ZFAND3: variants seen among roughly 807,000 people sequenced by gnomAD.
ZFAND3 encodes the protein AN1-type zinc finger protein 3.
ZFAND3 carries 10 observed loss-of-function variants against 29.6 expected under a neutral mutation model. The observed-to-expected ratio is 0.34, with a 90% CI of 0.21 to 0.57. The LOEUF is 0.57. ZFAND3 is among the 20% of genes least tolerant of loss of function. The pLI, the probability that ZFAND3 is intolerant of heterozygous loss-of-function variation, is 0.86. For missense variants in ZFAND3, 230 were observed against 304.5 expected (o/e 0.76, Z 1.82); for synonymous variants, 128 against 112.6 (o/e 1.14, Z -0.87).
intron 1 of ZFAND3, among the ~76,000 whole-genome samples, chr6:37,919,747 C>T (rs911026281): frequency 1.3e-5 from 2 of 152,204 alleles, no homozygotes; most frequent in Non-Finnish European, 2.9e-5. Flanking sequence ...TTTGTAATCA[C>T]TCTCCAGAAA....
intron 1 of ZFAND3, among the ~76,000 whole-genome samples, chr6:37,840,565 ATCAGCTTG>A (rs562744575): frequency 4.6e-5 from 7 of 152,336 alleles, no homozygotes; most frequent in African/African-American, 1.4e-4. Flanking sequence ...TATGAATTTC[ATCAGCTTG>A]TCAGCTTGTC....
At chr6:37,945,427 G>A (rs1434832766) in intron 2 of ZFAND3, among the ~76,000 whole-genome samples, 1 of 152,064 alleles carries the variant, frequency 6.6e-6, no homozygotes, top group Non-Finnish European at 1.5e-5. Flanking sequence ...ACAGAGTCTC[G>A]CTCTGTCTCC....
At chr6:38,087,923 T>C (rs79690248) in intron 4 of ZFAND3, among the ~76,000 whole-genome samples, 1 of 152,208 alleles carries the variant, frequency 6.6e-6, no homozygotes, top group Non-Finnish European at 1.5e-5. Context: ...TAAGAATGTT[T>C]CCAGCATGAA....
Position 38,154,034 on chromosome 6 carries a change from T to C in ZFAND3, c.*1645T>C. 1 of 985,386 alleles carries C rather than the reference T, an allele frequency of 1.0e-6. No individual in the cohort carries two copies. Among genetic ancestry groups the C allele is most frequent in the Non-Finnish European group, 1.2e-6 (1 of 829,918 alleles). The allele number at this position is 985,386 out of a possible 1,614,324, so 61.0% of individuals were successfully genotyped here. Reference sequence around the variant, plus strand: ...TCTTCCCACCCTCCACCCACCAGAGTGGAACCCGCTGCAAAATCCCCAGCC... The same window carrying C: ...TCTTCCCACCCTCCACCCACCAGAGCGGAACCCGCTGCAAAATCCCCAGCC... On this transcript the variant is annotated 3_prime_UTR_variant, in exon 6 of 6. Coordinates refer to ENST00000287218, the MANE Select transcript of ZFAND3 (RefSeq NM_021943.3).
At chr6:38,109,952 T>A (rs1765282415) in intron 4 of ZFAND3, among the ~76,000 whole-genome samples, 1 of 152,102 alleles carries the variant, frequency 6.6e-6, no homozygotes, top group African/African-American at 2.4e-5. Flanking sequence ...TCAGGTGCAC[T>A]CCCAAGATGG....
rs1410015539 is a variant in ZFAND3 at position 38,144,183 on chromosome 6, TAATATATATATATATATATATATATATA to T, written c.530-8050_530-8023del. Among the ~76,000 whole-genome samples, 57 of 22,160 alleles carry T rather than the reference TAATATATATATATATATATATATATATA, an allele frequency of 2.6e-3. 1 individual carries two copies. The highest frequency in any genetic ancestry group is 5.8e-3 in the Non-Finnish European group (43 of 7,474). 14.5% of individuals were successfully genotyped at this position (22,160 alleles called of 152,430 possible). On this transcript the variant is annotated intron_variant, in intron 5 of 5. Transcript: ENST00000287218. Reference sequence around the variant, plus strand: ...GCTAGAAAAATGTGATATATATATATAATATATATATATATATATATATATATAATATATAATATATATATATATTTTT... The same window carrying T: ...GCTAGAAAAATGTGATATATATATATATATATAATATATATATATATTTTT...
intron 2 of ZFAND3, among the ~76,000 whole-genome samples, chr6:38,037,140 A>C (rs777747398): frequency 4.6e-5 from 7 of 152,222 alleles, no homozygotes; most frequent in Non-Finnish European, 7.3e-5. Flanking sequence ...CTTTTAGTGA[A>C]TAGAGAATAG....
At chr6:38,114,680 T>G (rs968793417) in intron 4 of ZFAND3, among the ~76,000 whole-genome samples, 1 of 151,428 alleles carries the variant, frequency 6.6e-6, no homozygotes, top group Non-Finnish European at 1.5e-5. Flanking sequence ...CTGGACAATC[T>G]TGGGTGAAGT....
intron 5 of ZFAND3, among the ~76,000 whole-genome samples, chr6:38,144,922 T>G (rs374537796): frequency 2.0e-5 from 3 of 152,352 alleles, no homozygotes; most frequent in African/African-American, 7.2e-5. Flanking sequence ...TGGCACCGAT[T>G]GAATCAAAAT....
chr6:38,058,381 A>C (rs542149572), intron 2 of ZFAND3, among the ~76,000 whole-genome samples: 1 of 152,372 alleles, frequency 6.6e-6, no homozygotes, highest in African/African-American at 2.4e-5. Context: ...TGACATAAAA[A>C]AGAAGTATCA....
chr6:38,146,300 C>T (rs9349056), intron 5 of ZFAND3, among the ~76,000 whole-genome samples: 1 of 152,154 alleles, frequency 6.6e-6, no homozygotes, highest in Non-Finnish European at 1.5e-5. Context: ...GGCCTCCTCA[C>T]TAGTCCTGCT....
chr6:37,931,283 A>T (rs1461037810), intron 2 of ZFAND3, among the ~76,000 whole-genome samples: 1 of 152,206 alleles, frequency 6.6e-6, no homozygotes, highest in African/African-American at 2.4e-5. Flanking sequence ...GCTGGCTAGA[A>T]CAAACAGTAG....
At chr6:37,991,214 A>T (rs1014746473) in intron 2 of ZFAND3, among the ~76,000 whole-genome samples, 2 of 151,874 alleles carry the variant, frequency 1.3e-5, no homozygotes, top group African/African-American at 4.8e-5. Flanking sequence ...CAGCGTCTTG[A>T]CTCATTGGAC....
intron 1 of ZFAND3, among the ~76,000 whole-genome samples, chr6:37,855,165 G>A (rs112889031): frequency 2.1e-5 from 3 of 143,758 alleles, no homozygotes; most frequent in African/African-American, 7.8e-5. Context: ...TTTTTTTTGA[G>A]ACAGAGTCTC....
chr6:38,138,467 G>A (rs537075873), intron 5 of ZFAND3, among the ~76,000 whole-genome samples: 1 of 152,068 alleles, frequency 6.6e-6, no homozygotes, highest in Non-Finnish European at 1.5e-5. Context: ...GGAGGGGGAC[G>A]GCTTGGAGGG....
At position 38,136,311 on chromosome 6, in the gene ZFAND3, G is replaced by C. The variant is rs191935879; in HGVS notation, c.530-15924G>C. Among the ~76,000 whole-genome samples the C allele has an allele frequency of 2.6e-3, 389 of 152,300 alleles. 12 individuals carry two copies. The highest frequency in any genetic ancestry group is 0.024 in the Admixed American group (373 of 15,302). On this transcript the variant is annotated intron_variant, in intron 5 of 5. Coordinates refer to ENST00000287218, the MANE Select transcript of ZFAND3 (RefSeq NM_021943.3). ...TACAGGGAATGTCCCATGTAGCTTTGGATACTTCCTTGTTCGTGATCACAG... is the reference window on the plus strand; with the variant it reads ...TACAGGGAATGTCCCATGTAGCTTTCGATACTTCCTTGTTCGTGATCACAG...
chr6:37,983,605 C>T (rs758815348), intron 2 of ZFAND3, among the ~76,000 whole-genome samples: 8 of 152,118 alleles, frequency 5.3e-5, no homozygotes, highest in African/African-American at 1.2e-4. Flanking sequence ...GTGATCCACC[C>T]GCCTTGACCT....
intron 4 of ZFAND3, among the ~76,000 whole-genome samples, chr6:38,109,702 C>T (rs1384784642): frequency 3.3e-5 from 5 of 151,962 alleles, no homozygotes; most frequent in Non-Finnish European, 1.5e-5. Flanking sequence ...TAAAACATAC[C>T]TTTGGGGTTT....
At chr6:38,108,223 T>C (rs932807518) in intron 4 of ZFAND3, among the ~76,000 whole-genome samples, 12 of 152,180 alleles carry the variant, frequency 7.9e-5, no homozygotes, top group African/African-American at 2.9e-4. Context: ...ATGTAGCTTA[T>C]TTTCAGATGG....
Sources: gnomAD v4.1 joint callset for allele counts (sites outside exome capture counted in the v4.1 genomes callset) on GRCh38, gnomAD v4.1.1 for gene constraint, MANE v1.5 for transcripts, NCBI Gene and HGNC (gene_info 2026-07-23, HGNC 2026-07-21) for gene names.